EML6: variants seen among roughly 807,000 people sequenced by gnomAD.
The protein encoded by EML6 is echinoderm microtubule-associated protein-like 6.
Under a neutral mutation model 240.1 loss-of-function variants are expected in EML6, and 154 were observed. That is an observed-to-expected ratio of 0.64 (90% confidence interval 0.56 to 0.73). The LOEUF is 0.73. EML6 is among the 30% of genes least tolerant of loss of function. The pLI, the probability that EML6 is intolerant of heterozygous loss-of-function variation, is 0.00. For synonymous variants in EML6, 1,148 were observed against 899.0 expected (o/e 1.28, Z -4.95); for missense variants, 2,964 against 2,474.6 (o/e 1.20, Z -4.20).
intron 36 of EML6, among the ~76,000 whole-genome samples, chr2:54,963,425 A>G (rs565633751): frequency 6.6e-6 from 1 of 152,346 alleles, no homozygotes; most frequent in African/African-American, 2.4e-5. Flanking sequence ...AGTGCCTACA[A>G]TAACCTTGCA....
At chr2:54,855,651 A>G (rs1445175755) in intron 11 of EML6, among the ~76,000 whole-genome samples, 3 of 152,184 alleles carry the variant, frequency 2.0e-5, no homozygotes, top group Non-Finnish European at 4.4e-5. Context: ...GCCAGATGAC[A>G]GTATGGTGAG....
chr2:54,796,632 A>C (rs1669794055), intron 2 of EML6, among the ~76,000 whole-genome samples: 1 of 152,090 alleles, frequency 6.6e-6, no homozygotes, highest in Admixed American at 6.6e-5. Flanking sequence ...GCGCACACAC[A>C]CACTTAAGTG....
intron 16 of EML6, among the ~76,000 whole-genome samples, chr2:54,878,121 T>G (rs1049423959): frequency 1.3e-5 from 2 of 152,234 alleles, no homozygotes; most frequent in Non-Finnish European, 2.9e-5. Flanking sequence ...CATATAAATA[T>G]TGCATGGGAC....
chr2:54,725,010 G>T lies in EML6; in HGVS notation c.-52G>T. 4.3e-6 allele frequency: 6 copies of T among 1,403,272 alleles called. No homozygotes were observed. Among genetic ancestry groups the T allele is most frequent in the East Asian group, 3.1e-5 (1 of 32,200 alleles). The allele number at this position is 1,403,272 out of a possible 1,614,324, so 86.9% of individuals were successfully genotyped here. ...GGTCCGCCGCAGCCCCAGCCTCGGC[G>T]AGGACGGCCCCGGCGCGCGGGGGGG... On this transcript the variant is annotated 5_prime_UTR_variant, in exon 2 of 42. Transcript: ENST00000356458. The surrounding 1 kb of genome is among the most constrained non-coding windows in gnomAD (Gnocchi z 4.3).
chr2:54,876,948 G>A (rs1013322734), intron 16 of EML6, among the ~76,000 whole-genome samples: 1 of 151,638 alleles, frequency 6.6e-6, no homozygotes, highest in South Asian at 2.1e-4. Context: ...CCTAACTGTA[G>A]CTTTGTACTC....
chr2:54,911,471 C>A (rs960751953), intron 25 of EML6, among the ~76,000 whole-genome samples: 7 of 151,060 alleles, frequency 4.6e-5, no homozygotes, highest in Non-Finnish European at 8.8e-5. Context: ...GCTCTTTTGC[C>A]CAGGCTGGAG....
Position 54,899,650 on chromosome 2 carries a change from G to C in EML6, c.2992G>C (p.Glu998Gln), listed in dbSNP as rs1192215991. 6.4e-7 allele frequency: 1 copy of C among 1,553,470 alleles called. No individual in the cohort carries two copies. Among genetic ancestry groups the C allele is most frequent in the Admixed American group, 2.0e-5 (1 of 51,156 alleles). The change falls in exon 22 of 42, where the codon GAA becomes CAA. Residue 998 changes from glutamate (E) to glutamine (Q), a missense_variant. Physicochemically the swap from Glu to Gln is conservative, Grantham distance 29. Transcript: ENST00000356458. ...PMTLLVQGHM[E>Q]GEVWGLAAHP... ...TTTTCCTCTCCCACAGGGGCACATG[G>C]AAGGAGAAGTGTGGGGGTTGGCAGC...
At chr2:54,819,545 A>C (rs1668230600) in intron 4 of EML6, among the ~76,000 whole-genome samples, 1 of 152,188 alleles carries the variant, frequency 6.6e-6, no homozygotes, top group Non-Finnish European at 1.5e-5. Flanking sequence ...TGAGAGGCCA[A>C]GGCAGGTGGA....
chr2:54,942,391 G>A (rs1675475711), intron 28 of EML6, among the ~76,000 whole-genome samples: 1 of 152,176 alleles, frequency 6.6e-6, no homozygotes, highest in African/African-American at 2.4e-5. Flanking sequence ...TGGCAGAGTT[G>A]GGTCTGATTC....
At chr2:54,915,574 A>G (rs1295845504) in intron 25 of EML6, among the ~76,000 whole-genome samples, 1 of 152,128 alleles carries the variant, frequency 6.6e-6, no homozygotes, top group Non-Finnish European at 1.5e-5. Flanking sequence ...ACAGGACCAG[A>G]TTCAGATTTT....
chr2:54,898,443 G>C (rs910196614), intron 21 of EML6, among the ~76,000 whole-genome samples: 1 of 152,140 alleles, frequency 6.6e-6, no homozygotes, highest in African/African-American at 2.4e-5. Flanking sequence ...TACCCTGACT[G>C]TGACTCTGGG....
intron 5 of EML6, among the ~76,000 whole-genome samples, chr2:54,820,879 C>T (rs537792145): frequency 1.3e-5 from 2 of 152,234 alleles, no homozygotes; most frequent in East Asian, 3.9e-4. Context: ...AAGTTGTGCT[C>T]TACATGGAAA....
intron 24 of EML6, among the ~76,000 whole-genome samples, chr2:54,908,935 A>G (rs1673491879): frequency 6.6e-6 from 1 of 152,200 alleles, no homozygotes. Flanking sequence ...AGGGGACCCT[A>G]CAAGCTGTCT....
At chr2:54,814,047 A>G (rs749239770) in intron 3 of EML6, among the ~76,000 whole-genome samples, 3 of 152,244 alleles carry the variant, frequency 2.0e-5, no homozygotes, top group Non-Finnish European at 4.4e-5. Flanking sequence ...AATGCATTTC[A>G]TCAACTGAAA....
Position 54,916,785 on chromosome 2 carries a change from G to A in EML6, c.3525G>A (p.Trp1175Ter). 6.5e-7 allele frequency: 1 copy of A among 1,533,234 alleles called. No individual in the cohort carries two copies. The highest frequency in any genetic ancestry group is 8.8e-7 in the Non-Finnish European group (1 of 1,133,032). The allele number at this position is 1,533,234 out of a possible 1,614,324, so 95.0% of individuals were successfully genotyped here. A position where few individuals can be genotyped will look rare whatever the true frequency, so the allele number is the denominator to read the frequency against. ...TCGAGAAGATAGAGTGGGACACATG[G>A]ACCTGTGTCCTGGGGCCCACCTGTG... Reference protein sequence around the residue: ...SEIEKIEWDTWTCVLGPTCEG... With the variant: ...SEIEKIEWDT The change falls in exon 26 of 42, where the codon TGG becomes TGA. Residue 1175 changes from tryptophan to a stop codon, truncating the protein, a stop_gained. Coordinates refer to ENST00000356458, the MANE Select transcript of EML6 (RefSeq NM_001039753.4). LOFTEE classifies it high-confidence loss of function.
chr2:54,733,964 GA>G (rs1259844959), intron 2 of EML6, among the ~76,000 whole-genome samples: 1 of 152,178 alleles, frequency 6.6e-6, no homozygotes, highest in African/African-American at 2.4e-5. Context: ...TTGATGCACA[GA>G]AAAGGACAGT....
chr2:54,960,478 C>T, intron 35 of EML6, 144 bp downstream of exon 35: 2 of 638,812 alleles, frequency 3.1e-6, no homozygotes, highest in Admixed American at 5.3e-5. Flanking sequence ...TGGGAAGCAG[C>T]TTAAGAGAGT....
chr2:54,898,859 T>C (rs1452055667), intron 21 of EML6, among the ~76,000 whole-genome samples: 1 of 152,244 alleles, frequency 6.6e-6, no homozygotes, highest in African/African-American at 2.4e-5. Flanking sequence ...GAGTGAAAAA[T>C]TATGAGAATC....
intron 22 of EML6, among the ~76,000 whole-genome samples, chr2:54,902,718 C>T (rs1573108288): frequency 6.6e-6 from 1 of 152,056 alleles, no homozygotes; most frequent in East Asian, 1.9e-4. Flanking sequence ...ACTTTTTGTA[C>T]AGGGTGGGTT....
Sources: gnomAD v4.1 joint callset for allele counts (sites outside exome capture counted in the v4.1 genomes callset) on GRCh38, gnomAD v4.1.1 for gene constraint, Gnocchi (gnomAD v3.1) non-coding constraint, MANE v1.5 for transcripts, NCBI Gene and HGNC (gene_info 2026-07-23, HGNC 2026-07-21) for gene names.